Variants in VWA8 observed in about 807,000 individuals in gnomAD.
The protein encoded by VWA8 is von Willebrand factor A domain containing 8, also known as von Willebrand factor A domain-containing protein 8.
VWA8 carries 221 observed loss-of-function variants against 241.5 expected under a neutral mutation model. The observed-to-expected ratio is 0.91, with a 90% CI of 0.82 to 1.02. VWA8 has a LOEUF of 1.02. Ranked by LOEUF, VWA8 falls within the 50% of genes least tolerant of loss-of-function variation. VWA8 has a pLI of 0.00. For missense variants in VWA8, 2,322 were observed against 2,328.7 expected (o/e 1.00, Z 0.06); for synonymous variants, 852 against 827.1 (o/e 1.03, Z -0.52).
At chr13:41,665,878 C>T (rs987441052) in intron 37 of VWA8, among the ~76,000 whole-genome samples, 20 of 151,760 alleles carry the variant, frequency 1.3e-4, no homozygotes, top group Non-Finnish European at 1.3e-4. Flanking sequence ...TGAGGTTAGA[C>T]CTTTTCTAAA....
At chr13:41,809,442 C>A (rs1168293967) in intron 17 of VWA8, among the ~76,000 whole-genome samples, 1 of 152,026 alleles carries the variant, frequency 6.6e-6, no homozygotes, top group Non-Finnish European at 1.5e-5. Flanking sequence ...AACCCAGAAA[C>A]AAATCCATAC....
rs1362949646 is a variant in VWA8 at position 41,847,522 on chromosome 13, G to A, written c.1426-13991C>T. Among the ~76,000 whole-genome samples the A allele has an allele frequency of 3.9e-5, 6 of 152,308 alleles. 1 individual carries two copies. Among genetic ancestry groups the A allele is most frequent in the Middle Eastern group, 6.8e-3 (2 of 294 alleles). On this transcript the variant is annotated intron_variant, in intron 12 of 44. Transcript: ENST00000379310. ...CTGAAACATATCAGTAGAGGGTCCA[G>A]CAGGAAGGGAGAAGGCTGAAGAGGT...
At position 41,800,095 on chromosome 13, in the gene VWA8, C is replaced by T. The variant is rs77807080; in HGVS notation, c.2063+11130G>A. On this transcript the variant is annotated intron_variant, in intron 17 of 44. Coordinates refer to ENST00000379310, the MANE Select transcript of VWA8 (RefSeq NM_015058.2). ...TTAACATATTTTCAGGGTTCATCCA[C>T]GTTATAACATGTATCAATACTTCAT... Among the ~76,000 whole-genome samples the T allele has an allele frequency of 6.2e-3, 942 of 152,280 alleles. 8 individuals are homozygous for T. The highest frequency in any genetic ancestry group is 0.022 in the African/African-American group (897 of 41,558).
chr13:41,607,394 G>A (rs894071573), intron 39 of VWA8, among the ~76,000 whole-genome samples: 2 of 152,144 alleles, frequency 1.3e-5, no homozygotes, highest in African/African-American at 4.8e-5. Context: ...TATAGAACTT[G>A]ACCTCCTGAC....
chr13:41,650,493 G>A (rs2044862139), intron 37 of VWA8, among the ~76,000 whole-genome samples: 1 of 152,208 alleles, frequency 6.6e-6, no homozygotes, highest in South Asian at 2.1e-4. Flanking sequence ...CTAGTGAAGA[G>A]TGAGCTCATT....
intron 20 of VWA8, 91 bp downstream of exon 20, chr13:41,777,891 GAAA>G: frequency 9.0e-7 from 1 of 1,113,404 alleles, no homozygotes. Flanking sequence ...TTTAATAGGG[GAAA>G]AAATAACTGA....
chr13:41,821,323 T>C, intron 14 of VWA8, among the ~76,000 whole-genome samples: 1 of 152,182 alleles, frequency 6.6e-6, no homozygotes, highest in African/African-American at 2.4e-5. Context: ...AAATGTATAA[T>C]GATTATAAAA....
At chr13:41,799,685 C>T (rs1002108557) in intron 17 of VWA8, among the ~76,000 whole-genome samples, 1 of 152,128 alleles carries the variant, frequency 6.6e-6, no homozygotes, top group Non-Finnish European at 1.5e-5. Context: ...TATTTGAAAG[C>T]CTCTTTGGCA....
At position 41,881,386 on chromosome 13, in the gene VWA8, G is replaced by C. The variant is rs1593840977; in HGVS notation, c.1080+2001C>G. Among the ~76,000 whole-genome samples the C allele has an allele frequency of 9.4e-5, 4 of 42,642 alleles. 1 individual carries two copies. The highest frequency in any genetic ancestry group is 2.0e-4 in the Admixed American group (1 of 5,114). 28.0% of individuals were successfully genotyped at this position (42,642 alleles called of 152,430 possible). A position where few individuals can be genotyped will look rare whatever the true frequency, so the allele number is the denominator to read the frequency against. ...TTTTTTTTTGCCGGGGGGGGGGGGG[G>C]GGGGGTAAGGTCACAGATCAACAGG... On this transcript the variant is annotated intron_variant, in intron 9 of 44. Coordinates refer to ENST00000379310, the MANE Select transcript of VWA8 (RefSeq NM_015058.2).
intron 21 of VWA8, among the ~76,000 whole-genome samples, chr13:41,758,413 T>C (rs2045712899): frequency 4.0e-5 from 3 of 75,788 alleles, no homozygotes; most frequent in Non-Finnish European, 8.8e-5. Context: ...TATATATATA[T>C]ATATATATAT....
At position 41,865,691 on chromosome 13, in the gene VWA8, C is replaced by T. The variant is rs774811040; in HGVS notation, c.1425+45G>A. The stretch of plus-strand genomic sequence containing the variant: ...CCATAAATTCTGCTGATGGCCTAAG[C>T]ATATATGCTTATAGTCCAAGTGCAG... On this transcript the variant is annotated intron_variant, in intron 12 of 44. Coordinates refer to ENST00000379310, the MANE Select transcript of VWA8 (RefSeq NM_015058.2). 1.6e-5 allele frequency: 26 copies of T among 1,604,126 alleles called. No homozygotes were observed. In the South Asian group the frequency reaches 2.9e-4, roughly 18 times the overall value.
chr13:41,599,825 G>A (rs9566804), intron 40 of VWA8, among the ~76,000 whole-genome samples: 1 of 152,168 alleles, frequency 6.6e-6, no homozygotes, highest in African/African-American at 2.4e-5. Flanking sequence ...TTCAAGCCAA[G>A]TATAAGTTGG....
chr13:41,894,280 A>C (rs1283047870), intron 4 of VWA8, among the ~76,000 whole-genome samples: 1 of 152,262 alleles, frequency 6.6e-6, no homozygotes, highest in Admixed American at 6.5e-5. Flanking sequence ...TCTTCAAAGG[A>C]ATTCAGAACA....
intron 12 of VWA8, among the ~76,000 whole-genome samples, chr13:41,857,779 T>C (rs1043808578): frequency 2.6e-5 from 4 of 152,186 alleles, no homozygotes; most frequent in South Asian, 2.1e-4. Context: ...TGTGTCAACT[T>C]GACTGGGCTG....
chr13:41,885,746 A>G (rs1874496341), intron 8 of VWA8, among the ~76,000 whole-genome samples, 174 bp downstream of exon 8: 1 of 152,238 alleles, frequency 6.6e-6, no homozygotes, highest in Non-Finnish European at 1.5e-5. Context: ...GGGGCTCAGA[A>G]CATGTCCTTG....
At chr13:41,866,164 A>G (rs1359730096) in intron 10 of VWA8, 128 bp from the exon 11 acceptor site, 3 of 1,180,380 alleles carry the variant, frequency 2.5e-6, no homozygotes, top group Non-Finnish European at 3.5e-6. Context: ...CCTGGCCAAT[A>G]TGGTGAAACC....
At chr13:41,615,282 T>G (rs1472043517) in intron 37 of VWA8, among the ~76,000 whole-genome samples, 198 bp from the exon 38 acceptor site, 2 of 152,144 alleles carry the variant, frequency 1.3e-5, no homozygotes, top group Non-Finnish European at 2.9e-5. Flanking sequence ...GAAGAAGAAC[T>G]AATTTTTTAA....
chr13:41,819,057 A>G (rs978519574), intron 15 of VWA8, among the ~76,000 whole-genome samples, 161 bp downstream of exon 15: 2 of 152,246 alleles, frequency 1.3e-5, no homozygotes, highest in African/African-American at 4.8e-5. Flanking sequence ...GAAAAATGTG[A>G]AAGTTTAAGA....
intron 37 of VWA8, among the ~76,000 whole-genome samples, chr13:41,667,474 T>G (rs2044994121): frequency 6.6e-6 from 1 of 152,222 alleles, no homozygotes; most frequent in African/African-American, 2.4e-5. Context: ...TTCAGAAGAT[T>G]GCAACCATTG....
Sources: gnomAD v4.1 joint callset for allele counts (sites outside exome capture counted in the v4.1 genomes callset) on GRCh38, gnomAD v4.1.1 for gene constraint, MANE v1.5 for transcripts, NCBI Gene and HGNC (gene_info 2026-07-23, HGNC 2026-07-21) for gene names.